CSPG5: variants seen among roughly 807,000 people sequenced by gnomAD.
The protein encoded by CSPG5 is acidic leucine-rich EGF-like domain-containing brain protein.
A neutral mutation model predicts 39.8 loss-of-function variants in CSPG5; 25 were observed. The observed-to-expected ratio is 0.63, with a 90% CI of 0.46 to 0.88. The LOEUF is 0.88. Ranked by LOEUF, CSPG5 falls within the 40% of genes least tolerant of loss-of-function variation. The pLI is 0.00. For synonymous variants in CSPG5, 295 were observed against 303.9 expected (o/e 0.97, Z 0.31); for missense variants, 627 against 702.2 (o/e 0.89, Z 1.21).
At position 47,578,130 on chromosome 3, in the gene CSPG5, A is replaced by C; in HGVS notation, c.98-202T>G. On this transcript the variant is annotated intron_variant, in intron 1 of 4. Transcript: ENST00000264723. This position sits in a 1 kb window ranked among gnomAD's most constrained non-coding sequence, Gnocchi z 6.0. ...GGAGTCTGCCCCCAAGACGAGGATC[A>C]CACCCCGCCCAACGCCTCGCGGCTC... 1 of 809,368 alleles carries C rather than the reference A, an allele frequency of 1.2e-6. No homozygotes were observed. The highest frequency in any genetic ancestry group is 1.7e-6 in the Non-Finnish European group (1 of 599,000). The allele number at this position is 809,368 out of a possible 1,614,324, so 50.1% of individuals were successfully genotyped here. A position where few individuals can be genotyped will look rare whatever the true frequency, so the allele number is the denominator to read the frequency against.
At chr3:47,573,821 A>G (rs183691001) in intron 2 of CSPG5, among the ~76,000 whole-genome samples, 5 of 152,344 alleles carry the variant, frequency 3.3e-5, no homozygotes, top group African/African-American at 1.2e-4. Context: ...TCATTTTCCA[A>G]CTGAGCCTCT....
chr3:47,572,981 G>T lies in CSPG5; in HGVS notation c.1194-107C>A. 1.1e-6 allele frequency: 1 copy of T among 885,696 alleles called. No individual in the cohort carries two copies. Among genetic ancestry groups the T allele is most frequent in the Non-Finnish European group, 1.7e-6 (1 of 587,476 alleles). 54.9% of individuals were successfully genotyped at this position (885,696 alleles called of 1,614,324 possible). On this transcript the variant is annotated intron_variant, in intron 2 of 4. Transcript: ENST00000264723. This position sits in a 1 kb window ranked among gnomAD's most constrained non-coding sequence, Gnocchi z 4.5. ...CCTATCTCCACAGCCTGTTCCGAAG[G>T]CCATCTAGAGGAACTGCAATGCTCC...
At chr3:47,574,097 A>G (rs2031620883) in intron 2 of CSPG5, among the ~76,000 whole-genome samples, 2 of 152,182 alleles carry the variant, frequency 1.3e-5, no homozygotes, top group Admixed American at 1.3e-4. Context: ...GGAGGCCCGA[A>G]TGTGATCCTG....
Position 47,576,882 on chromosome 3 carries a change from G to A in CSPG5, c.1144C>T (p.His382Tyr). Residue 382 changes from histidine (H) to tyrosine (Y), a missense_variant, in exon 2 of 5, where the codon CAC becomes TAC. Transcript: ENST00000264723. The stretch of plus-strand genomic sequence containing the variant: ...ACCAGGTAGCACTGGCCGCCATTGT[G>A]ACAGTAACTTGGGAAGAGGTCGCAC... ...SVCDLFPSYC[H>Y]NGGQCYLVEN... 6.3e-7 allele frequency: 1 copy of A among 1,593,556 alleles called. No individual in the cohort carries two copies. Among genetic ancestry groups the A allele is most frequent in the East Asian group, 2.2e-5 (1 of 44,600 alleles).
chr3:47,578,581 G>T lies in CSPG5; in HGVS notation c.97+16C>A. The T allele has an allele frequency of 9.5e-7, 1 of 1,047,654 alleles. No homozygotes were observed. Among genetic ancestry groups the T allele is most frequent in the Non-Finnish European group, 1.2e-6 (1 of 839,220 alleles). 64.9% of individuals were successfully genotyped at this position (1,047,654 alleles called of 1,614,324 possible). A position where few individuals can be genotyped will look rare whatever the true frequency, so the allele number is the denominator to read the frequency against. ...GGCACGAGGGCCGCGGGGGTCCCGG[G>T]CGCAGTCATACCTACCCGGCACGGC... On this transcript the variant is annotated intron_variant, in intron 1 of 4. Transcript: ENST00000264723. The surrounding 1 kb of genome is among the most constrained non-coding windows in gnomAD (Gnocchi z 6.0).
chr3:47,572,921 C>T lies in CSPG5; in HGVS notation c.1194-47G>A, dbSNP rs778646076. On this transcript the variant is annotated intron_variant, in intron 2 of 4. Coordinates refer to ENST00000264723, the MANE Select transcript of CSPG5 (RefSeq NM_006574.4). The surrounding 1 kb of genome is among the most constrained non-coding windows in gnomAD (Gnocchi z 4.5). The stretch of plus-strand genomic sequence containing the variant: ...ACCGTGGCGATGGAGCAGGCAGCCA[C>T]GGCCACAGTAAGGGCCTGGGCCCTG... 2.0e-5 allele frequency: 32 copies of T among 1,567,352 alleles called. 1 individual carries two copies. The Admixed American group carries it at 2.5e-4, about 12-fold the overall frequency.
rs1352655954 is a variant in CSPG5 at position 47,572,885 on chromosome 3, G to A, written c.1194-11C>T. 3 of 1,599,770 alleles carry A rather than the reference G, an allele frequency of 1.9e-6. No individual in the cohort carries two copies. The highest frequency in any genetic ancestry group is 1.7e-5 in the Admixed American group (1 of 58,820). On this transcript the variant is annotated splice_polypyrimidine_tract_variant and intron_variant, in intron 2 of 4. Transcript: ENST00000264723. The surrounding 1 kb of genome is among the most constrained non-coding windows in gnomAD (Gnocchi z 4.5). Reference sequence around the variant, plus strand: ...TCCTGCGTGTTGCACCTGCAGCAGCGACATTGAGAAACCGTGGCGATGGAG... The same window carrying A: ...TCCTGCGTGTTGCACCTGCAGCAGCAACATTGAGAAACCGTGGCGATGGAG...
At position 47,578,156 on chromosome 3, in the gene CSPG5, G is replaced by C. The variant is rs1175519713; in HGVS notation, c.98-228C>G. 2 of 644,826 alleles carry C rather than the reference G, an allele frequency of 3.1e-6. No individual in the cohort carries two copies. The highest frequency in any genetic ancestry group is 8.9e-5 in the Admixed American group (2 of 22,424). The allele number at this position is 644,826 out of a possible 1,614,324, so 39.9% of individuals were successfully genotyped here. Reference sequence around the variant, plus strand: ...CACCCCGCCCAACGCCTCGCGGCTCGGCCCCGCCCGACCTGCCCCGCCGTC... The same window carrying C: ...CACCCCGCCCAACGCCTCGCGGCTCCGCCCCGCCCGACCTGCCCCGCCGTC... On this transcript the variant is annotated intron_variant, in intron 1 of 4. Coordinates refer to ENST00000264723, the MANE Select transcript of CSPG5 (RefSeq NM_006574.4). This position sits in a 1 kb window ranked among gnomAD's most constrained non-coding sequence, Gnocchi z 6.0.
Position 47,569,664 on chromosome 3 carries a change from TA to T in CSPG5, c.1383-438del, listed in dbSNP as rs1194675150. 9.2e-5 allele frequency among the ~76,000 whole-genome samples: 14 copies of T among 151,784 alleles called. No individual in the cohort carries two copies. In the South Asian group the frequency reaches 2.3e-3, roughly 25 times the overall value. The stretch of plus-strand genomic sequence containing the variant: ...ACAAATACTGTATTTCTTTCTTTAT[TA>T]AAAAAATTATTTTAAATTTTATTGA... On this transcript the variant is annotated intron_variant, in intron 3 of 4. Coordinates refer to ENST00000264723, the MANE Select transcript of CSPG5 (RefSeq NM_006574.4).
In CSPG5 at chr3:47,578,202, G is replaced by GC; in HGVS notation, c.98-275dup. 2.4e-6 allele frequency: 1 copy of GC among 423,838 alleles called. No individual in the cohort carries two copies. The highest frequency in any genetic ancestry group is 3.9e-6 in the Non-Finnish European group (1 of 258,122). 26.3% of individuals were successfully genotyped at this position (423,838 alleles called of 1,614,324 possible). On this transcript the variant is annotated intron_variant, in intron 1 of 4. Coordinates refer to ENST00000264723, the MANE Select transcript of CSPG5 (RefSeq NM_006574.4). The surrounding 1 kb of genome is among the most constrained non-coding windows in gnomAD (Gnocchi z 6.0). ...CCGTCTGAAGAGCCAGGCCAGGGCG[G>GC]CCCCCAGCTCGGCCCACCCATAAGT...
intron 2 of CSPG5, among the ~76,000 whole-genome samples, chr3:47,576,451 G>C (rs1271936944): frequency 1.5e-5 from 2 of 137,618 alleles, no homozygotes; most frequent in Admixed American, 7.6e-5. Flanking sequence ...GCTGCCCTCT[G>C]TTTTGTTTTG....
In CSPG5 at chr3:47,577,910, G is replaced by C. The variant is rs745797029; in HGVS notation, c.116C>G (p.Ala39Gly). Residue 39 changes from alanine to glycine, a missense_variant, in exon 2 of 5, where the codon GCG becomes GGG. Ala to Gly is a moderately conservative substitution (Grantham distance 60). Transcript: ENST00000264723. The surrounding 1 kb of genome is among the most constrained non-coding windows in gnomAD (Gnocchi z 4.7). ...GAVPAREAGS[A>G]VEAEELVKGS... ...CTTCACCAGCTCTTCGGCCTCAACC[G>C]CGCTGCCCGCCTCACGCGCTGCGGG... 41 of 1,451,794 alleles carry C rather than the reference G, an allele frequency of 2.8e-5. No homozygotes were observed. Among genetic ancestry groups the C allele is most frequent in the Admixed American group, 8.3e-5 (3 of 36,164 alleles). 89.9% of individuals were successfully genotyped at this position (1,451,794 alleles called of 1,614,324 possible).
rs567337906 is a variant in CSPG5 at position 47,569,116 on chromosome 3, G to A, written c.1458+36C>T. The stretch of plus-strand genomic sequence containing the variant: ...AGTGAGCCAAGGCACGGGCATGGGG[G>A]GAGGAGGTACGGGGAGTGTTGCAAA... On this transcript the variant is annotated intron_variant, in intron 4 of 4. Coordinates refer to ENST00000264723, the MANE Select transcript of CSPG5 (RefSeq NM_006574.4). 4 of 1,591,886 alleles carry A rather than the reference G, an allele frequency of 2.5e-6. No individual in the cohort carries two copies. In the East Asian group the frequency reaches 9.2e-5, roughly 36 times the overall value.
intron 3 of CSPG5, among the ~76,000 whole-genome samples, chr3:47,569,722 C>T (rs1405595995): frequency 2.0e-5 from 3 of 149,798 alleles, no homozygotes; most frequent in Non-Finnish European, 3.0e-5. Context: ...TGCTGGTTAT[C>T]GGTTTTTAAA....
At chr3:47,576,749 C>T (rs538977493) in intron 2 of CSPG5, 84 bp downstream of exon 2, 6 of 1,452,672 alleles carry the variant, frequency 4.1e-6, no homozygotes, top group South Asian at 2.9e-5. Flanking sequence ...CGTGAGCCAA[C>T]GCGCCCGGCT....
chr3:47,579,474 G>C (rs1373224854), upstream of CSPG5: 1 of 152,302 alleles, frequency 6.6e-6, no homozygotes, highest in Non-Finnish European at 1.5e-5. This position sits in a 1 kb window ranked among gnomAD's most constrained non-coding sequence, Gnocchi z 4.2. Context: ...TAATCCGTTC[G>C]CAGCCAAAGC....
At position 47,577,365 on chromosome 3, in the gene CSPG5, G is replaced by C. The variant is rs377745484; in HGVS notation, c.661C>G (p.Arg221Gly). Residue 221 changes from arginine (R) to glycine (G), a missense_variant, in exon 2 of 5, where the codon CGT becomes GGT. Coordinates refer to ENST00000264723, the MANE Select transcript of CSPG5 (RefSeq NM_006574.4). This position sits in a 1 kb window ranked among gnomAD's most constrained non-coding sequence, Gnocchi z 4.7. ...GGGAAGCTCCCCAGATCTGCGCCAC[G>C]ACCCTCACCATCCAGTCCTTCGAAG... The part of the protein sequence containing the change: ...DYFEGLDGEG[R>G]GADLGSFPGS... 32 of 1,614,032 alleles carry C rather than the reference G, an allele frequency of 2.0e-5. No homozygotes were observed. Among genetic ancestry groups the C allele is most frequent in the Non-Finnish European group, 2.7e-5 (32 of 1,180,012 alleles).
At chr3:47,566,847 G>A (rs12489865) in intron 4 of CSPG5, among the ~76,000 whole-genome samples, 86,492 of 151,996 alleles carry the variant, frequency 0.57, 25,697 homozygotes, top group Non-Finnish European at 0.66. Context: ...CCCTGTGGCT[G>A]ACCCCCAAGC....
rs2108183158 is a variant in CSPG5, at chr3:47,562,778, G to A, written c.1459-17C>T. ...AGGATCATCCTGGAAGAGGGAAAAA[G>A]TTGGGGGGGGGGAGACAATGCATAC... On this transcript the variant is annotated splice_polypyrimidine_tract_variant and intron_variant, in intron 4 of 4. Coordinates refer to ENST00000264723, the MANE Select transcript of CSPG5 (RefSeq NM_006574.4). 3 of 1,495,610 alleles carry A rather than the reference G, an allele frequency of 2.0e-6. No individual in the cohort carries two copies. The highest frequency in any genetic ancestry group is 1.4e-5 in the African/African-American group (1 of 72,110). 92.6% of individuals were successfully genotyped at this position (1,495,610 alleles called of 1,614,324 possible). A position where few individuals can be genotyped will look rare whatever the true frequency, so the allele number is the denominator to read the frequency against.
Sources: gnomAD v4.1 joint callset for allele counts (sites outside exome capture counted in the v4.1 genomes callset) on GRCh38, gnomAD v4.1.1 for gene constraint, Gnocchi (gnomAD v3.1) non-coding constraint, MANE v1.5 for transcripts, NCBI Gene and HGNC (gene_info 2026-07-23, HGNC 2026-07-21) for gene names.